The following TADA1 variants were observed in gnomAD, a reference collection of about 807,000 sequenced individuals.
The protein encoded by TADA1 is transcriptional adaptor 1.
Under a neutral mutation model 39.3 loss-of-function variants are expected in TADA1, and 23 were observed. That is an observed-to-expected ratio of 0.58 (90% confidence interval 0.42 to 0.83). TADA1 has a LOEUF of 0.83. TADA1 is among the 40% of genes least tolerant of loss of function. The pLI, the probability that TADA1 is intolerant of heterozygous loss-of-function variation, is 0.00. For synonymous variants in TADA1, 137 were observed against 151.8 expected (o/e 0.90, Z 0.72); for missense variants, 352 against 408.1 (o/e 0.86, Z 1.18).
At chr1:166,861,448 T>C (rs1184568145) in intron 5 of TADA1, among the ~76,000 whole-genome samples, 3 of 152,194 alleles carry the variant, frequency 2.0e-5, no homozygotes, top group African/African-American at 7.2e-5. Flanking sequence ...TCGTGCATTA[T>C]AGACCCCATC....
At chr1:166,865,891 A>AT (rs1557909665) in intron 3 of TADA1, among the ~76,000 whole-genome samples, 1 of 151,992 alleles carries the variant, frequency 6.6e-6, no homozygotes, top group Non-Finnish European at 1.5e-5. Flanking sequence ...AAATGTTCCT[A>AT]CAATTTTGAT....
In TADA1 at chr1:166,856,569, G is replaced by C. The variant is rs912200105; in HGVS notation, c.*998C>G. The stretch of plus-strand genomic sequence containing the variant: ...GTACAAAATCAAATACACAGATCCA[G>C]ATATGTGAACCATATATACATATCT... On this transcript the variant is annotated 3_prime_UTR_variant, in exon 8 of 8. Coordinates refer to ENST00000367874, the MANE Select transcript of TADA1 (RefSeq NM_053053.4). 2.0e-5 allele frequency: 3 copies of C among 152,526 alleles called. No individual in the cohort carries two copies. The highest frequency in any genetic ancestry group is 2.0e-4 in the Admixed American group (3 of 15,272). 9.4% of individuals were successfully genotyped at this position (152,526 alleles called of 1,614,324 possible). A position where few individuals can be genotyped will look rare whatever the true frequency, so the allele number is the denominator to read the frequency against.
At chr1:166,866,494 A>G (rs1187927833) in intron 3 of TADA1, among the ~76,000 whole-genome samples, 1 of 152,148 alleles carries the variant, frequency 6.6e-6, no homozygotes, top group East Asian at 1.9e-4. Context: ...CCCATCCAAA[A>G]TTGTGAGGTA....
chr1:166,862,237 T>G lies in TADA1; in HGVS notation c.506A>C (p.Glu169Ala). The G allele has an allele frequency of 3.7e-6, 6 of 1,613,820 alleles. No individual in the cohort carries two copies. Among genetic ancestry groups the G allele is most frequent in the Non-Finnish European group, 5.1e-6 (6 of 1,179,934 alleles). The change falls in exon 5 of 8, where the codon GAG becomes GCG. Residue 169 changes from glutamate to alanine, a missense_variant. By Grantham distance (107) the Glu-to-Ala change is moderately radical. This residue lies in a region of TADA1 where 285 missense variants were observed against 310.9 expected (regional missense o/e 0.92). Coordinates refer to ENST00000367874, the MANE Select transcript of TADA1 (RefSeq NM_053053.4). ...AYEHGLDNVT[E>A]EAVSAVVYAV... ...ATAGACAACAGCTGAAACAGCCTCC[T>G]CGGTGACATTGTCCAGCCCATGCTC... is the stretch of plus-strand genomic sequence containing the variant.
At chr1:166,866,316 C>G (rs1212845312) in intron 3 of TADA1, among the ~76,000 whole-genome samples, 1 of 152,162 alleles carries the variant, frequency 6.6e-6, no homozygotes, top group African/African-American at 2.4e-5. Context: ...GTTTTGTTTT[C>G]TCTTCTCTTA....
chr1:166,860,272 A>C lies in TADA1; in HGVS notation c.606T>G (p.Gly202=). 3 of 1,614,118 alleles carry C rather than the reference A, an allele frequency of 1.9e-6. No homozygotes were observed. Among genetic ancestry groups the C allele is most frequent in the Non-Finnish European group, 2.5e-6 (3 of 1,179,986 alleles). Residue 202 remains glycine, a synonymous_variant, in exon 6 of 8, where the codon GGT becomes GGG. Coordinates refer to ENST00000367874, the MANE Select transcript of TADA1 (RefSeq NM_053053.4). The part of the protein sequence containing the change: ...SRRKAYRLRD[G]HFKYAFGSNV... ...TACTGCCAAAGGCATATTTAAAATG[A>C]CCATCTCGTAACCGATAAGCTTTCC...
chr1:166,869,335 G>T lies in TADA1; in HGVS notation c.232+110C>A, dbSNP rs1323234328. ...ATCTACCTAATAAAACTTTTCTTCT[G>T]AGTAGTTCAAAAACATCTGCTTTAC... On this transcript the variant is annotated intron_variant, in intron 3 of 7. Coordinates refer to ENST00000367874, the MANE Select transcript of TADA1 (RefSeq NM_053053.4). 7.5e-6 allele frequency: 6 copies of T among 795,810 alleles called. No homozygotes were observed. In the Admixed American group the frequency reaches 1.5e-4, roughly 20 times the overall value. 49.3% of individuals were successfully genotyped at this position (795,810 alleles called of 1,614,324 possible). A position where few individuals can be genotyped will look rare whatever the true frequency, so the allele number is the denominator to read the frequency against.
rs765736639 is a variant in TADA1, at chr1:166,860,164, A to C, written c.692+22T>G. ...AACAACTAGCAAAAGATGGAAAGAAAATCACAAGAAACTTCATTTACCTTT... is the reference window on the plus strand; with the variant it reads ...AACAACTAGCAAAAGATGGAAAGAACATCACAAGAAACTTCATTTACCTTT... On this transcript the variant is annotated intron_variant, in intron 6 of 7. Transcript: ENST00000367874. The C allele has an allele frequency of 1.9e-6, 3 of 1,578,750 alleles. No individual in the cohort carries two copies. The East Asian group carries it at 6.7e-5, about 36-fold the overall frequency.
intron 3 of TADA1, 132 bp downstream of exon 3, chr1:166,869,313 T>C: frequency 1.7e-6 from 1 of 602,010 alleles, no homozygotes; most frequent in South Asian, 2.5e-5. Context: ...AATTTGTATC[T>C]ACCTAATAAA....
intron 3 of TADA1, among the ~76,000 whole-genome samples, 199 bp from the exon 4 acceptor site, chr1:166,864,120 A>T (rs116582861): frequency 0.029 from 4,287 of 150,408 alleles, 90 homozygotes; most frequent in African/African-American, 0.044. Flanking sequence ...CCTAGCTGCA[A>T]CTAAAATTTT....
intron 4 of TADA1, among the ~76,000 whole-genome samples, chr1:166,863,502 C>T (rs1370377630): frequency 6.6e-6 from 1 of 152,124 alleles, no homozygotes; most frequent in East Asian, 1.9e-4. Flanking sequence ...GCTGCCTGAG[C>T]CCTTGAGACA....
At chr1:166,876,124 G>C in intron 1 of TADA1, 36 bp downstream of exon 1, 5 of 1,587,510 alleles carry the variant, frequency 3.1e-6, no homozygotes, top group Non-Finnish European at 3.4e-6. Flanking sequence ...GAGCACCCGC[G>C]TGTTGGCCTG....
chr1:166,865,090 TA>T (rs1658498976), intron 3 of TADA1, among the ~76,000 whole-genome samples: 1 of 127,482 alleles, frequency 7.8e-6, no homozygotes, highest in African/African-American at 2.9e-5. Flanking sequence ...GCTAAAAAAA[TA>T]AAAATAAAAA....
In TADA1 at chr1:166,869,473, C is replaced by A; in HGVS notation, c.204G>T (p.Thr68=). 1.2e-6 allele frequency: 2 copies of A among 1,613,670 alleles called. No homozygotes were observed. Among genetic ancestry groups the A allele is most frequent in the South Asian group, 2.2e-5 (2 of 91,062 alleles). Reference sequence around the variant, plus strand: ...GTGTAGAAACCAAAATCTGACAACGCGTGAGAATGGCCAGGAGGAAATCAT... The same window carrying A: ...GTGTAGAAACCAAAATCTGACAACGAGTGAGAATGGCCAGGAGGAAATCAT... ...SHNDFLLAIL[T]RCQILVSTPD... Residue 68 remains threonine, a synonymous_variant, in exon 3 of 8, where the codon ACG becomes ACT. Transcript: ENST00000367874.
intron 3 of TADA1, among the ~76,000 whole-genome samples, chr1:166,865,475 TAAAA>T (rs59460033): frequency 7.2e-6 from 1 of 139,506 alleles, no homozygotes; most frequent in Non-Finnish European, 1.6e-5. Context: ...TGTTTAATGT[TAAAA>T]AAAAAAAAAA....
chr1:166,864,500 T>C (rs1658486321), intron 3 of TADA1, among the ~76,000 whole-genome samples: 1 of 152,112 alleles, frequency 6.6e-6, no homozygotes, highest in Non-Finnish European at 1.5e-5. Flanking sequence ...ACCCACAACC[T>C]GGATTGGGAG....
chr1:166,857,982 A>AT (rs1658319384), intron 7 of TADA1, 137 bp downstream of exon 7: 1 of 1,169,978 alleles, frequency 8.5e-7, no homozygotes, highest in Admixed American at 2.4e-5. Context: ...GCTAGTATTA[A>AT]TAACGGCTTT....
intron 3 of TADA1, among the ~76,000 whole-genome samples, chr1:166,867,109 G>T (rs754030042): frequency 1.3e-5 from 2 of 151,904 alleles, no homozygotes; most frequent in Middle Eastern, 3.2e-3. Flanking sequence ...ATAATCCTAC[G>T]GGGTAGATAT....
intron 4 of TADA1, among the ~76,000 whole-genome samples, chr1:166,863,461 A>C (rs12029327): frequency 1.3e-5 from 2 of 151,926 alleles, no homozygotes; most frequent in African/African-American, 2.4e-5. Context: ...GCCCAGCTGG[A>C]CATCACCAGG....
Sources: allele counts gnomAD v4.1 joint callset (sites outside exome capture counted in the v4.1 genomes callset), GRCh38; gene constraint gnomAD v4.1.1; regional missense constraint gnomAD v4.1.1; transcripts MANE v1.5; gene names NCBI Gene and HGNC (gene_info 2026-07-23, HGNC 2026-07-21).